VPS54: variants seen among roughly 807,000 people sequenced by gnomAD.
The protein encoded by VPS54 is vacuolar protein sorting-associated protein 54.
Under a neutral mutation model 121.5 loss-of-function variants are expected in VPS54, and 45 were observed. That is an observed-to-expected ratio of 0.37 (90% CI 0.29 to 0.47). The LOEUF is 0.47. Ranked by LOEUF, VPS54 falls within the 20% of genes least tolerant of loss-of-function variation. The probability of loss-of-function intolerance (pLI) is 0.99; values close to 1 mark genes in which losing one functional copy is unlikely to be tolerated. For synonymous variants in VPS54, 371 were observed against 385.8 expected, an observed-to-expected ratio of 0.96 and a Z score of 0.45; for missense variants, 1,090 against 1,131.4, an observed-to-expected ratio of 0.96 and a Z score of 0.52.
chr2:63,899,283 G>A (rs1672574967), intron 21 of VPS54, among the ~76,000 whole-genome samples, 191 bp downstream of exon 21: 1 of 152,172 alleles, frequency 6.6e-6, no homozygotes, highest in African/African-American at 2.4e-5. Context: ...GCTCTGGTCT[G>A]TCACTGCAAG....
intron 10 of VPS54, 128 bp from the exon 11 acceptor site, chr2:63,942,689 C>T (rs1674797965): frequency 2.7e-6 from 2 of 735,872 alleles, no homozygotes; most frequent in East Asian, 3.1e-5. Context: ...AGATACCTAA[C>T]TAAAATGTTG....
At chr2:63,979,725 CTTT>C (rs544289168) in intron 3 of VPS54, among the ~76,000 whole-genome samples, 63 of 152,202 alleles carry the variant, frequency 4.1e-4, no homozygotes, top group Non-Finnish European at 8.4e-4. Flanking sequence ...TTTCTTTCTT[CTTT>C]GACTCACATT....
chr2:63,900,120 T>G (rs1462881674), intron 20 of VPS54, among the ~76,000 whole-genome samples: 1 of 148,244 alleles, frequency 6.7e-6, no homozygotes, highest in East Asian at 2.0e-4. Context: ...CTCAGGAGGC[T>G]GAGACAGGAG....
chr2:63,962,415 A>G lies in VPS54; in HGVS notation c.653T>C (p.Val218Ala), dbSNP rs1211229425. ...KLSHYLDIVE[V>A]NIAHQISLRS... ...TAGAGAGATCTGGTGAGCAATGTTT[A>G]CTTCCACAATATCCAGATAATGGCT... The change falls in exon 7 of 23, where the codon GTA becomes GCA. Residue 218 changes from valine to alanine, a missense_variant. Physicochemically the swap from Val to Ala is moderately conservative, Grantham distance 64. This residue lies in a region of VPS54 where 801 missense variants were observed against 757.0 expected (regional missense o/e 1.06). Coordinates refer to ENST00000272322, the MANE Select transcript of VPS54 (RefSeq NM_016516.3). 6.2e-7 allele frequency: 1 copy of G among 1,612,804 alleles called. No individual in the cohort carries two copies. Among genetic ancestry groups the G allele is most frequent in the Non-Finnish European group, 8.5e-7 (1 of 1,179,276 alleles).
intron 15 of VPS54, 71 bp downstream of exon 15, chr2:63,919,812 A>C (rs62136393): frequency 0.038 from 43,046 of 1,120,004 alleles, 1,811 homozygotes; most frequent in African/African-American, 0.2. Context: ...AACTAAAGAA[A>C]TATTAAGCAT....
intron 22 of VPS54, among the ~76,000 whole-genome samples, chr2:63,894,033 TAAG>T (rs759722059): frequency 1.6e-4 from 24 of 152,122 alleles, no homozygotes; most frequent in Non-Finnish European, 3.1e-4. Context: ...GGAAAGAACA[TAAG>T]AAGTCACAGA....
intron 1 of VPS54, among the ~76,000 whole-genome samples, chr2:64,016,242 A>G (rs551389030): frequency 2.0e-5 from 3 of 152,368 alleles, no homozygotes; most frequent in African/African-American, 7.2e-5. Flanking sequence ...GAAGCCATTC[A>G]TGCCTTCTCC....
chr2:63,937,004 C>G (rs886964296), intron 11 of VPS54, among the ~76,000 whole-genome samples: 2 of 151,924 alleles, frequency 1.3e-5, no homozygotes, highest in African/African-American at 2.4e-5. Context: ...AAACTAAAGT[C>G]AATTAAAGGC....
At chr2:63,991,208 C>G (rs899632356) in intron 1 of VPS54, among the ~76,000 whole-genome samples, 5 of 152,182 alleles carry the variant, frequency 3.3e-5, no homozygotes, top group African/African-American at 1.2e-4. Context: ...GTTTCTTTTA[C>G]TATGGTTAAA....
chr2:63,969,061 G>T, intron 4 of VPS54, 70 bp from the exon 5 acceptor site: 1 of 1,303,196 alleles, frequency 7.7e-7, no homozygotes, highest in South Asian at 1.3e-5. Context: ...AATACATTTT[G>T]ACAGATTCAG....
intron 1 of VPS54, among the ~76,000 whole-genome samples, chr2:64,015,122 GA>G (rs901648731): frequency 6.1e-4 from 87 of 142,044 alleles, no homozygotes; most frequent in East Asian, 3.6e-3. Context: ...AAGCTGCCAG[GA>G]AAAAAAAAAA....
chr2:63,975,068 C>T (rs898145442), intron 3 of VPS54: 1 of 1,541,080 alleles, frequency 6.5e-7, no homozygotes, highest in Non-Finnish European at 8.8e-7. Flanking sequence ...TTTTTTGAGA[C>T]AGAGTCTCAC....
chr2:63,998,904 T>C (rs1677737819), intron 1 of VPS54, among the ~76,000 whole-genome samples: 1 of 152,138 alleles, frequency 6.6e-6, no homozygotes, highest in Non-Finnish European at 1.5e-5. Context: ...CTTCAGATGG[T>C]ATCTTTTTGC....
intron 20 of VPS54, among the ~76,000 whole-genome samples, chr2:63,904,336 G>C (rs1672813360): frequency 6.7e-6 from 1 of 150,190 alleles, no homozygotes; most frequent in African/African-American, 2.4e-5. Flanking sequence ...TTACTCAGGA[G>C]GCTGAGGCAG....
At chr2:64,007,398 T>C in intron 1 of VPS54, among the ~76,000 whole-genome samples, 1 of 152,174 alleles carries the variant, frequency 6.6e-6, no homozygotes, top group East Asian at 1.9e-4. Flanking sequence ...AGATAAAAAT[T>C]ACAATTTTTG....
At chr2:63,919,460 T>C (rs1486846218) in intron 15 of VPS54, among the ~76,000 whole-genome samples, 1 of 152,134 alleles carries the variant, frequency 6.6e-6, no homozygotes, top group Non-Finnish European at 1.5e-5. Flanking sequence ...TAGCGCTTAC[T>C]CAATTCATGT....
chr2:63,900,442 T>TAG (rs767146214), intron 20 of VPS54, among the ~76,000 whole-genome samples: 2 of 152,188 alleles, frequency 1.3e-5, no homozygotes, highest in Admixed American at 1.3e-4. Context: ...AACAATATGG[T>TAG]AGTATGACTT....
At chr2:63,922,986 A>G (rs1673714434) in intron 12 of VPS54, among the ~76,000 whole-genome samples, 1 of 152,142 alleles carries the variant, frequency 6.6e-6, no homozygotes, top group African/African-American at 2.4e-5. Flanking sequence ...AGTTTTTTAA[A>G]ATAATTTCAT....
intron 17 of VPS54, 67 bp downstream of exon 17, chr2:63,914,115 A>G: frequency 7.9e-7 from 1 of 1,262,958 alleles, no homozygotes; most frequent in African/African-American, 1.5e-5. Context: ...TTGAGTTAAG[A>G]TTAGTCACAC....
Sources: gnomAD v4.1 joint callset for allele counts (sites outside exome capture counted in the v4.1 genomes callset) on GRCh38, gnomAD v4.1.1 for gene constraint, gnomAD v4.1.1 regional missense constraint, MANE v1.5 for transcripts, NCBI Gene and HGNC (gene_info 2026-07-23, HGNC 2026-07-21) for gene names.